DDX60L: variants seen among roughly 807,000 people sequenced by gnomAD.
The protein encoded by DDX60L is probable ATP-dependent RNA helicase DDX60-like.
Under a neutral mutation model 211.6 loss-of-function variants are expected in DDX60L, and 191 were observed. The ratio of observed to expected loss-of-function variants is 0.90; its 90% CI spans 0.80 to 1.02. The LOEUF is 1.02. Ranked by LOEUF, DDX60L falls within the 50% of genes least tolerant of loss-of-function variation. DDX60L has a pLI of 0.00. For synonymous variants in DDX60L, 706 were observed against 694.1 expected (o/e 1.02, Z -0.27); for missense variants, 2,007 against 1,984.1 (o/e 1.01, Z -0.22).
Position 168,403,971 on chromosome 4 carries a change from C to A in DDX60L, c.3338+11G>T. 1.4e-6 allele frequency: 2 copies of A among 1,433,606 alleles called. No homozygotes were observed. Among genetic ancestry groups the A allele is most frequent in the Non-Finnish European group, 9.3e-7 (1 of 1,070,336 alleles). 88.8% of individuals were successfully genotyped at this position (1,433,606 alleles called of 1,614,324 possible). A position where few individuals can be genotyped will look rare whatever the true frequency, so the allele number is the denominator to read the frequency against. On this transcript the variant is annotated intron_variant, in intron 25 of 37. Transcript: ENST00000682922. ...ATATAAACAAAGATAAATTAAGTTTCAGTTACTTACAAAAAAAATATTGCA... is the reference window on the plus strand; with the variant it reads ...ATATAAACAAAGATAAATTAAGTTTAAGTTACTTACAAAAAAAATATTGCA...
rs61667027 is a variant in DDX60L at position 168,409,753 on chromosome 4, A to G, written c.2980-3047T>C. ...TCCTTACTCGTGCATTCGATCCACA[A>G]ATTATTTAGTATAACACTATGATTA... On this transcript the variant is annotated intron_variant, in intron 22 of 37. Coordinates refer to ENST00000682922, the MANE Select transcript of DDX60L (RefSeq NM_001012967.3). Among the ~76,000 whole-genome samples the G allele has an allele frequency of 9.6e-3, 1,464 of 152,316 alleles. 47 individuals carry two copies. The East Asian group carries it at 0.11, about 12-fold the overall frequency.
intron 9 of DDX60L, among the ~76,000 whole-genome samples, chr4:168,445,928 G>A (rs1754716612): frequency 8.6e-6 from 1 of 115,658 alleles, no homozygotes; most frequent in Non-Finnish European, 1.9e-5. Flanking sequence ...ATATCATACT[G>A]AATGGGCAAA....
chr4:168,433,711 A>G (rs1297168511), intron 10 of DDX60L, among the ~76,000 whole-genome samples: 6 of 152,158 alleles, frequency 3.9e-5, no homozygotes. Context: ...TAAATTCTGG[A>G]CAATATCCTT....
chr4:168,424,932 T>A (rs1751220181), intron 14 of DDX60L, among the ~76,000 whole-genome samples: 1 of 152,232 alleles, frequency 6.6e-6, no homozygotes, highest in South Asian at 2.1e-4. Context: ...ATTTCTGGGA[T>A]GAAGCCTCCT....
intron 37 of DDX60L, among the ~76,000 whole-genome samples, chr4:168,358,611 C>T (rs1020955301): frequency 6.7e-6 from 1 of 149,332 alleles, no homozygotes; most frequent in Non-Finnish European, 1.5e-5. Context: ...CGGCTCACTG[C>T]AACCTCTGCC....
At chr4:168,447,938 T>A (rs1006946754) in intron 9 of DDX60L, among the ~76,000 whole-genome samples, 6 of 146,596 alleles carry the variant, frequency 4.1e-5, no homozygotes, top group African/African-American at 1.3e-4. Context: ...AGATGACGAG[T>A]TAGTGGGTGC....
At chr4:168,426,869 T>C (rs186415924) in intron 14 of DDX60L, among the ~76,000 whole-genome samples, 11 of 152,360 alleles carry the variant, frequency 7.2e-5, no homozygotes, top group African/African-American at 2.4e-4. Flanking sequence ...CTTTTCCCTG[T>C]TGGGACCCTC....
chr4:168,443,247 C>T (rs1442354758), intron 9 of DDX60L, among the ~76,000 whole-genome samples: 8 of 151,884 alleles, frequency 5.3e-5, no homozygotes, highest in African/African-American at 1.2e-4. Flanking sequence ...CCTCAGGAGC[C>T]GATGCGATCA....
At chr4:168,359,987 A>G (rs1017492513) in intron 37 of DDX60L, among the ~76,000 whole-genome samples, 2 of 152,264 alleles carry the variant, frequency 1.3e-5, no homozygotes, top group African/African-American at 4.8e-5. Flanking sequence ...AACTAGAATT[A>G]TATTAAGTAT....
At chr4:168,402,914 T>A (rs1001420847) in intron 25 of DDX60L, among the ~76,000 whole-genome samples, 4 of 152,244 alleles carry the variant, frequency 2.6e-5, no homozygotes, top group African/African-American at 4.8e-5. Flanking sequence ...TGTCTATTTT[T>A]AAAAATAATT....
intron 5 of DDX60L, among the ~76,000 whole-genome samples, chr4:168,459,758 GGGAAGGAAGGAAGGAGGGAAGGAA>G (rs1275348121): frequency 4.7e-5 from 2 of 42,754 alleles, no homozygotes; most frequent in African/African-American, 1.6e-4. Context: ...ACCAAAGGGA[GGGAAGGAAGGAAGGAGGGAAGGAA>G]GGAAGGAAGG....
At chr4:168,419,435 A>T (rs1480905622) in intron 18 of DDX60L, 38 bp from the exon 19 acceptor site, 7 of 1,461,912 alleles carry the variant, frequency 4.8e-6, no homozygotes, top group Non-Finnish European at 6.5e-6. Flanking sequence ...AACTTTATGG[A>T]GCATTAATTT....
In DDX60L at chr4:168,420,637, CACAT is replaced by C. The variant is rs1396681942; in HGVS notation, c.2395-261_2395-258del. Among the ~76,000 whole-genome samples, 550 of 90,452 alleles carry C rather than the reference CACAT, an allele frequency of 6.1e-3. 7 individuals carry two copies. Among genetic ancestry groups the C allele is most frequent in the African/African-American group, 0.023 (520 of 22,724 alleles). The allele number at this position is 90,452 out of a possible 152,430, so 59.3% of individuals were successfully genotyped here. ...ATACACACACACACACACACACACA[CACAT>C]GAGATAGATAGATAGATAGATAGAT... On this transcript the variant is annotated intron_variant, in intron 17 of 37. Coordinates refer to ENST00000682922, the MANE Select transcript of DDX60L (RefSeq NM_001012967.3).
chr4:168,395,802 A>G (rs1745657451), intron 27 of DDX60L, 157 bp downstream of exon 27: 1 of 594,382 alleles, frequency 1.7e-6, no homozygotes, highest in African/African-American at 1.9e-5. Context: ...AGCACATTAA[A>G]TTGGGATAAT....
At chr4:168,368,478 C>A (rs1290070758) in intron 36 of DDX60L, among the ~76,000 whole-genome samples, 1 of 152,358 alleles carries the variant, frequency 6.6e-6, no homozygotes, top group Middle Eastern at 3.4e-3. Context: ...AGGAGCAGGG[C>A]CCCCATGGAG....
intron 26 of DDX60L, among the ~76,000 whole-genome samples, chr4:168,398,603 G>T (rs561860712): frequency 6.6e-6 from 1 of 152,354 alleles, no homozygotes; most frequent in East Asian, 1.9e-4. Flanking sequence ...CTGTGGACCA[G>T]AGTGGGAACT....
In DDX60L at chr4:168,456,106, G is replaced by A. The variant is rs201778236; in HGVS notation, c.770C>T (p.Ser257Leu). Reference protein sequence around the residue: ...FLLQHLWSEGSDIQRVLCVTS... With the variant: ...FLLQHLWSEGLDIQRVLCVTS... Reference sequence around the variant, plus strand: ...GACACAGAGAACACGCTGGATGTCCGATCCTTCTGACCATAGGTGCTGAAG... The same window carrying A: ...GACACAGAGAACACGCTGGATGTCCAATCCTTCTGACCATAGGTGCTGAAG... The change falls in exon 7 of 38, where the codon TCG becomes TTG. Residue 257 changes from serine (S) to leucine (L), a missense_variant. By Grantham distance (145) the Ser-to-Leu change is moderately radical. Coordinates refer to ENST00000682922, the MANE Select transcript of DDX60L (RefSeq NM_001012967.3). 1.8e-4 allele frequency: 288 copies of A among 1,594,844 alleles called. No homozygotes were observed. The Middle Eastern group carries it at 2.3e-3, about 13-fold the overall frequency.
At chr4:168,411,208 C>T (rs1312381488) in intron 22 of DDX60L, among the ~76,000 whole-genome samples, 1 of 152,158 alleles carries the variant, frequency 6.6e-6, no homozygotes, top group African/African-American at 2.4e-5. Flanking sequence ...CCTACAGGAA[C>T]TCCAAATTGA....
chr4:168,386,272 C>T (rs1288726316), intron 29 of DDX60L, among the ~76,000 whole-genome samples: 3 of 152,012 alleles, frequency 2.0e-5, no homozygotes, highest in Non-Finnish European at 2.9e-5. Flanking sequence ...CTATTTAAGC[C>T]ATTTTCTCTA....
Sources: allele counts gnomAD v4.1 joint callset (sites outside exome capture counted in the v4.1 genomes callset), GRCh38; gene constraint gnomAD v4.1.1; transcripts MANE v1.5; gene names NCBI Gene and HGNC (gene_info 2026-07-23, HGNC 2026-07-21).